The following XPO4 variants were observed in gnomAD, a reference collection of about 807,000 sequenced individuals.
XPO4 encodes exportin 4.
A neutral mutation model predicts 143.0 loss-of-function variants in XPO4; 39 were observed. The observed-to-expected ratio is 0.27, with a 90% CI of 0.21 to 0.36. The LOEUF is 0.36. Ranked by LOEUF, XPO4 falls within the 10% of genes least tolerant of loss-of-function variation. The pLI is 1.00. For missense variants in XPO4, 907 were observed against 1,348.0 expected (o/e 0.67, Z 5.12); for synonymous variants, 439 against 474.0 (o/e 0.93, Z 0.96).
chr13:20,887,615 G>A (rs752222436), intron 1 of XPO4, among the ~76,000 whole-genome samples: 34 of 152,160 alleles, frequency 2.2e-4, no homozygotes, highest in Non-Finnish European at 4.7e-4. Context: ...AGCACTTTGG[G>A]AGGCTGAGGC....
intron 3 of XPO4, among the ~76,000 whole-genome samples, chr13:20,859,195 A>G (rs925876278): frequency 1.3e-5 from 2 of 151,776 alleles, no homozygotes; most frequent in Admixed American, 1.3e-4. Context: ...GAGGCTGGGC[A>G]CGGTGGCTCA....
At chr13:20,851,527 A>G (rs2060086397) in intron 4 of XPO4, 1 of 718,284 alleles carries the variant, frequency 1.4e-6, no homozygotes, top group Non-Finnish European at 1.7e-6. Flanking sequence ...TGGGCAACAT[A>G]GCAAAACCCT....
chr13:20,854,534 T>C (rs2060122903), intron 4 of XPO4, among the ~76,000 whole-genome samples: 2 of 152,206 alleles, frequency 1.3e-5, no homozygotes, highest in Admixed American at 1.3e-4. Flanking sequence ...ATCTTTAAAA[T>C]GATTAAATAA....
intron 18 of XPO4, among the ~76,000 whole-genome samples, chr13:20,795,016 A>AC (rs1267199707): frequency 2.2e-4 from 34 of 152,024 alleles, no homozygotes; most frequent in African/African-American, 7.7e-4. Flanking sequence ...TTAAAAAAAA[A>AC]AAAAAAAGAC....
chr13:20,873,629 C>T (rs2060323666), intron 1 of XPO4, among the ~76,000 whole-genome samples: 1 of 152,090 alleles, frequency 6.6e-6, no homozygotes, highest in East Asian at 1.9e-4. Context: ...TCCTACAAAT[C>T]CCACAGCACC....
rs1213833653 is a variant in XPO4, at chr13:20,800,343, A to T, written c.1978-18T>A. ...AGACTTATCTTAAGAGAGGAAACAA[A>T]TTTTTTAAGGTAAGCAAGAAAGATC... On this transcript the variant is annotated intron_variant, in intron 14 of 22. Coordinates refer to ENST00000255305, the MANE Select transcript of XPO4 (RefSeq NM_022459.5). 2 of 1,593,074 alleles carry T rather than the reference A, an allele frequency of 1.3e-6. No homozygotes were observed. Among genetic ancestry groups the T allele is most frequent in the East Asian group, 2.2e-5 (1 of 44,634 alleles).
rs528552944 is a variant in XPO4 at position 20,870,015 on chromosome 13, G to A, written c.70-1314C>T. Among the ~76,000 whole-genome samples, 130 of 147,074 alleles carry A rather than the reference G, an allele frequency of 8.8e-4. 4 individuals are homozygous for A. The South Asian group carries it at 0.027, about 30-fold the overall frequency. ...ACTCAGAGGCAGAAGCATGAGAATC[G>A]CTTGAACCCGGGAGGCAGAGGTTGC... On this transcript the variant is annotated intron_variant, in intron 1 of 22. Coordinates refer to ENST00000255305, the MANE Select transcript of XPO4 (RefSeq NM_022459.5).
intron 6 of XPO4, among the ~76,000 whole-genome samples, chr13:20,840,816 C>A (rs2059966526): frequency 6.6e-6 from 1 of 152,162 alleles, no homozygotes; most frequent in African/African-American, 2.4e-5. Context: ...ACAAATGGCA[C>A]TATATGAAAA....
At chr13:20,790,437 G>A (rs1440796344) in intron 19 of XPO4, 25 bp downstream of exon 19, 2 of 1,540,760 alleles carry the variant, frequency 1.3e-6, no homozygotes, top group Admixed American at 1.7e-5. Context: ...ATAGTGGTAT[G>A]TTCACATTCA....
chr13:20,788,463 A>G lies in XPO4; in HGVS notation c.3047+23T>C, dbSNP rs151113034. On this transcript the variant is annotated intron_variant, in intron 20 of 22. Transcript: ENST00000255305. ...TCTTTTTCCCCAAGTAACAAGTAAC[A>G]GTGATGTTCATTTAAAGGATATGAT... 1.9e-6 allele frequency: 3 copies of G among 1,601,542 alleles called. No individual in the cohort carries two copies. The African/African-American group carries it at 4.0e-5, about 22-fold the overall frequency.
intron 9 of XPO4, among the ~76,000 whole-genome samples, chr13:20,813,326 T>C (rs1450834169): frequency 2.0e-5 from 3 of 152,126 alleles, no homozygotes; most frequent in African/African-American, 7.2e-5. Flanking sequence ...AGAACATATA[T>C]AGACTTTCTA....
At chr13:20,872,717 A>G (rs574631208) in intron 1 of XPO4, among the ~76,000 whole-genome samples, 50 of 152,290 alleles carry the variant, frequency 3.3e-4, no homozygotes, top group Admixed American at 5.2e-4. Context: ...ACGTCACACT[A>G]TCAGTAAGAA....
intron 1 of XPO4, among the ~76,000 whole-genome samples, chr13:20,873,987 G>T (rs1341905235): frequency 6.6e-6 from 1 of 152,070 alleles, no homozygotes; most frequent in Non-Finnish European, 1.5e-5. Context: ...TTTTACATCT[G>T]GAGAAAACAG....
chr13:20,834,028 C>G (rs2059885747), intron 6 of XPO4, among the ~76,000 whole-genome samples: 1 of 152,112 alleles, frequency 6.6e-6, no homozygotes, highest in Non-Finnish European at 1.5e-5. Context: ...TCTCCAGAGT[C>G]TCAGAGTAAC....
chr13:20,883,167 A>G (rs2060429733), intron 1 of XPO4, among the ~76,000 whole-genome samples: 1 of 152,184 alleles, frequency 6.6e-6, no homozygotes, highest in Admixed American at 6.5e-5. Context: ...CCCCTCCCCA[A>G]GCCTCTGTCA....
chr13:20,879,539 T>A (rs2060385791), intron 1 of XPO4, among the ~76,000 whole-genome samples: 2 of 152,214 alleles, frequency 1.3e-5, no homozygotes, highest in South Asian at 4.1e-4. Context: ...GGCTTCAGAG[T>A]TTTTCATAAA....
intron 7 of XPO4, among the ~76,000 whole-genome samples, chr13:20,823,053 T>C (rs551490235): frequency 6.6e-6 from 1 of 152,326 alleles, no homozygotes; most frequent in East Asian, 1.9e-4. Flanking sequence ...AAAGGTTTCA[T>C]TTCTGTAATC....
intron 13 of XPO4, among the ~76,000 whole-genome samples, chr13:20,802,023 CAGG>C (rs1470650138): frequency 6.6e-6 from 1 of 152,102 alleles, no homozygotes; most frequent in Non-Finnish European, 1.5e-5. Context: ...TTCTTTAAAT[CAGG>C]AGGTTTTTAA....
chr13:20,787,123 G>A (rs2141477997), intron 21 of XPO4, 66 bp from the exon 22 acceptor site: 1 of 1,295,990 alleles, frequency 7.7e-7, no homozygotes, highest in African/African-American at 1.5e-5. Context: ...TCCCTCCCCA[G>A]TCCAAAAAAG....
Sources: gnomAD v4.1 joint callset for allele counts (sites outside exome capture counted in the v4.1 genomes callset) on GRCh38, gnomAD v4.1.1 for gene constraint, MANE v1.5 for transcripts, NCBI Gene and HGNC (gene_info 2026-07-23, HGNC 2026-07-21) for gene names.